Variants in TMEM74 observed in about 807,000 individuals in gnomAD.
The protein encoded by TMEM74 is transmembrane protein 74.
A neutral mutation model predicts 18.1 loss-of-function variants in TMEM74; 13 were observed. The ratio of observed to expected loss-of-function variants is 0.72; its 90% CI spans 0.47 to 1.14. The LOEUF (loss-of-function observed/expected upper bound fraction) is 1.14. Ranked by LOEUF, TMEM74 falls within the 50% of genes most tolerant of loss-of-function variation. The pLI, the probability that TMEM74 is intolerant of heterozygous loss-of-function variation, is 0.00. For missense variants in TMEM74, 372 were observed against 375.9 expected, an observed-to-expected ratio of 0.99 and a Z score of 0.09; for synonymous variants, 159 against 146.6, an observed-to-expected ratio of 1.08 and a Z score of -0.61.
At chr8:108,686,943 A>T (rs562505587) in intron 1 of TMEM74, among the ~76,000 whole-genome samples, 1 of 152,304 alleles carries the variant, frequency 6.6e-6, no homozygotes, top group African/African-American at 2.4e-5. Flanking sequence ...GCAAAAAGAC[A>T]CCTGCTAATT....
chr8:108,772,261 T>C (rs923001601), intron 1 of TMEM74, among the ~76,000 whole-genome samples: 12 of 152,150 alleles, frequency 7.9e-5, no homozygotes, highest in Non-Finnish European at 1.6e-4. Context: ...TTTTTCTTCC[T>C]GGGGTTATTT....
chr8:108,653,804 T>C (rs1812796711), intron 2 of TMEM74, among the ~76,000 whole-genome samples: 1 of 152,130 alleles, frequency 6.6e-6, no homozygotes, highest in African/African-American at 2.4e-5. Context: ...AAATATCCTT[T>C]TTCTGAAGAT....
chr8:108,761,096 G>A (rs73311978), intron 1 of TMEM74, among the ~76,000 whole-genome samples: 2,876 of 151,708 alleles, frequency 0.019, 61 homozygotes, highest in African/African-American at 0.045. Flanking sequence ...GTTTCTATTC[G>A]TTCATCAATT....
chr8:108,646,261 C>T (rs1298376703), intron 2 of TMEM74, among the ~76,000 whole-genome samples: 1 of 152,066 alleles, frequency 6.6e-6, no homozygotes. Flanking sequence ...CAGTGTAGTG[C>T]TTGGGTTGAG....
chr8:108,679,487 C>T (rs1334014638), intron 1 of TMEM74, among the ~76,000 whole-genome samples: 3 of 151,970 alleles, frequency 2.0e-5, no homozygotes, highest in East Asian at 1.9e-4. Context: ...TTTGCATTTC[C>T]CTGATGGCCA....
chr8:108,612,338 A>G (rs1375453420), intron 2 of TMEM74, among the ~76,000 whole-genome samples: 5 of 152,206 alleles, frequency 3.3e-5, no homozygotes, highest in Admixed American at 1.3e-4. Flanking sequence ...TATTAAAATA[A>G]TTAAAATAAT....
downstream of TMEM74, among the ~76,000 whole-genome samples, chr8:108,778,086 C>A (rs2129655922): frequency 6.6e-6 from 1 of 152,108 alleles, no homozygotes; most frequent in Admixed American, 6.6e-5. Flanking sequence ...TTAAATTGAT[C>A]AAGTGATCAT....
chr8:108,761,065 G>T (rs1586288382), intron 1 of TMEM74, among the ~76,000 whole-genome samples: 1 of 151,616 alleles, frequency 6.6e-6, no homozygotes, highest in Admixed American at 6.6e-5. Flanking sequence ...TAAACTAATT[G>T]AATTTATTTA....
intron 1 of TMEM74, among the ~76,000 whole-genome samples, chr8:108,695,367 G>A (rs148171851): frequency 1.4e-4 from 22 of 152,296 alleles, no homozygotes; most frequent in Admixed American, 3.9e-4. Context: ...CAGCATTTTG[G>A]CAAGCACTTG....
intron 2 of TMEM74, among the ~76,000 whole-genome samples, chr8:108,646,002 T>C (rs556075539): frequency 1.3e-5 from 2 of 152,242 alleles, no homozygotes; most frequent in South Asian, 2.1e-4. Flanking sequence ...TTGCCTCTAT[T>C]AGTTAATGAG....
At chr8:108,734,271 C>T (rs910794234) in intron 1 of TMEM74, among the ~76,000 whole-genome samples, 2 of 152,160 alleles carry the variant, frequency 1.3e-5, no homozygotes, top group African/African-American at 4.8e-5. Context: ...CCAGTGGTCC[C>T]CGTGGGTTCT....
At chr8:108,679,610 T>G (rs1006465247) in intron 1 of TMEM74, among the ~76,000 whole-genome samples, 11 of 152,168 alleles carry the variant, frequency 7.2e-5, no homozygotes, top group African/African-American at 2.7e-4. Flanking sequence ...TTTTTTCTTG[T>G]AAATTTGTTG....
At chr8:108,682,932 T>C (rs1813130461) in intron 1 of TMEM74, among the ~76,000 whole-genome samples, 1 of 151,924 alleles carries the variant, frequency 6.6e-6, no homozygotes, top group African/African-American at 2.4e-5. Flanking sequence ...CTTTGTTTTC[T>C]TTAGTAAGTG....
At chr8:108,626,784 T>A (rs976322158) in intron 2 of TMEM74, 35 of 152,064 alleles carry the variant, frequency 2.3e-4, no homozygotes, top group Non-Finnish European at 2.9e-5. Flanking sequence ...TATCTATATA[T>A]ACAACCTGCC....
At chr8:108,657,370 G>T (rs1180956792) in intron 1 of TMEM74, among the ~76,000 whole-genome samples, 1 of 151,886 alleles carries the variant, frequency 6.6e-6, no homozygotes, top group Non-Finnish European at 1.5e-5. Flanking sequence ...AAAATTGTCT[G>T]ATCCTCCTCT....
chr8:108,747,019 A>C (rs1215884775), intron 1 of TMEM74, among the ~76,000 whole-genome samples: 1 of 152,122 alleles, frequency 6.6e-6, no homozygotes. Flanking sequence ...CATTCTAGCA[A>C]ATTATTGAGT....
rs757280590 is a variant in TMEM74, at chr8:108,779,412, A to G, written c.*4769T>C. On this transcript the variant is annotated 3_prime_UTR_variant, in exon 2 of 2. Transcript: ENST00000297459. Reference sequence around the variant, plus strand: ...GCTGTTCCTGAAACACAGGAGAGTTACCCAAATTTGAAACAAAGGAATATA... The same window carrying G: ...GCTGTTCCTGAAACACAGGAGAGTTGCCCAAATTTGAAACAAAGGAATATA... Among the ~76,000 whole-genome samples, 3 of 152,178 alleles carry G rather than the reference A, an allele frequency of 2.0e-5. No individual in the cohort carries two copies. The highest frequency in any genetic ancestry group is 4.4e-5 in the Non-Finnish European group (3 of 68,024).
chr8:108,778,639 T>C (rs539244329), downstream of TMEM74, among the ~76,000 whole-genome samples: 54 of 152,280 alleles, frequency 3.5e-4, no homozygotes, highest in Middle Eastern at 0.014. Context: ...TTTTTGACCT[T>C]GACAGCACTT....
At chr8:108,628,896 T>A (rs1812522697) in intron 2 of TMEM74, among the ~76,000 whole-genome samples, 1 of 152,042 alleles carries the variant, frequency 6.6e-6, no homozygotes, top group African/African-American at 2.4e-5. Context: ...ATGGTGAGAT[T>A]TTTTTTTCAT....
Sources: allele counts gnomAD v4.1 joint callset (sites outside exome capture counted in the v4.1 genomes callset), GRCh38; gene constraint gnomAD v4.1.1; transcripts MANE v1.5; gene names NCBI Gene and HGNC (gene_info 2026-07-23, HGNC 2026-07-21).